FHIP1B: variants seen among roughly 807,000 people sequenced by gnomAD.
The protein encoded by FHIP1B is FHF complex subunit HOOK-interacting protein 1B.
In FHIP1B, 28 loss-of-function variants were observed where a neutral mutation model predicts 82.2. The observed-to-expected ratio is 0.34, with a 90% confidence interval of 0.25 to 0.47. FHIP1B has a LOEUF of 0.47. Among genes scored for constraint, FHIP1B ranks in the 20% least tolerant of loss-of-function variants. The probability of loss-of-function intolerance (pLI) is 1.00; values close to 1 mark genes in which losing one functional copy is unlikely to be tolerated. For synonymous variants in FHIP1B, 585 were observed against 516.1 expected, an observed-to-expected ratio of 1.13 and a Z score of -1.81; for missense variants, 1,110 against 1,262.6, an observed-to-expected ratio of 0.88 and a Z score of 1.83.
chr11:6,230,421 G>A (rs1847668243), intron 1 of FHIP1B, among the ~76,000 whole-genome samples: 1 of 152,158 alleles, frequency 6.6e-6, no homozygotes, highest in South Asian at 2.1e-4. Flanking sequence ...TGAATGACCT[G>A]ATTAAAATCT....
rs1847164297 is a variant in FHIP1B, at chr11:6,214,398, G to A, written c.2557+13C>T. ...AGGGAGGGCAGGTACGGGTGTGGTG[G>A]GATAGGCCTCACCTAGGGGATCAGA... On this transcript the variant is annotated intron_variant, in intron 11 of 11. Coordinates refer to ENST00000449352, the MANE Select transcript of FHIP1B (RefSeq NM_001098794.2). The A allele has an allele frequency of 4.4e-6, 7 of 1,598,956 alleles. No homozygotes were observed. Among genetic ancestry groups the A allele is most frequent in the Middle Eastern group, 2.0e-4 (1 of 4,952 alleles).
At chr11:6,224,317 A>C in intron 2 of FHIP1B, 62 bp downstream of exon 2, 1 of 1,614,204 alleles carries the variant, frequency 6.2e-7, no homozygotes, top group Non-Finnish European at 8.5e-7. Flanking sequence ...TGAGGAGAAT[A>C]TAGAAGGCTG....
At chr11:6,222,974 G>A (rs1480205297) in intron 4 of FHIP1B, 77 bp from the exon 5 acceptor site, 1 of 1,573,626 alleles carries the variant, frequency 6.4e-7, no homozygotes, top group Non-Finnish European at 8.7e-7. Context: ...GTACACTACA[G>A]AGAGGCATCC....
At chr11:6,215,408 A>G (rs1847197587) in intron 9 of FHIP1B, 1 of 152,444 alleles carries the variant, frequency 6.6e-6, no homozygotes, top group Admixed American at 6.5e-5. Flanking sequence ...GAGGCACAAC[A>G]GAAGAACAAA....
At position 6,223,761 on chromosome 11, in the gene FHIP1B, C is replaced by T. The variant is rs1701477363; in HGVS notation, c.626G>A (p.Arg209His). The change falls in exon 3 of 12, where the codon CGT becomes CAT. Residue 209 changes from arginine to histidine, a missense_variant. This residue lies in a region of FHIP1B where 467 missense variants were observed against 602.9 expected (regional missense o/e 0.77). Transcript: ENST00000449352. This position sits in a 1 kb window ranked among gnomAD's most constrained non-coding sequence, Gnocchi z 4.8. ...QPPPEPGAAPRLLLFSRLVPF... is the reference protein window; with the variant it reads ...QPPPEPGAAPHLLLFSRLVPF... ...GACAAGGCGAGAAAAGAGAAGAAGA[C>T]GGGGAGCGGCTCCAGGCTCAGGAGG... The T allele has an allele frequency of 3.7e-6, 6 of 1,614,206 alleles. No homozygotes were observed. Among genetic ancestry groups the T allele is most frequent in the Admixed American group, 1.7e-5 (1 of 60,036 alleles).
chr11:6,222,312 A>T (rs1590623840), intron 6 of FHIP1B, 130 bp downstream of exon 6: 1 of 994,744 alleles, frequency 1.0e-6, no homozygotes, highest in Non-Finnish European at 1.5e-6. Flanking sequence ...CTGGAAAGTT[A>T]ATGCCACTTA....
chr11:6,224,961 G>A (rs1487426194), intron 1 of FHIP1B, among the ~76,000 whole-genome samples: 1 of 152,114 alleles, frequency 6.6e-6, no homozygotes, highest in African/African-American at 2.4e-5. Flanking sequence ...CATTATCCTT[G>A]TTTTTTCTTT....
In FHIP1B at chr11:6,224,026, C is replaced by T. The variant is rs200289464; in HGVS notation, c.361G>A (p.Asp121Asn). The change falls in exon 3 of 12, where the codon GAT becomes AAT. Residue 121 changes from aspartate (D) to asparagine (N), a missense_variant. Physicochemically the swap from Asp to Asn is conservative, Grantham distance 23. This residue lies in a region of FHIP1B where 467 missense variants were observed against 602.9 expected (regional missense o/e 0.77). Transcript: ENST00000449352. ...TWQLQWDELG[D>N]GVEERRAEQL... ...TCAGCCCGCCGTTCCTCGACCCCATCCCCAAGCTCATCCCATTGCAGCTGC... is the reference window on the plus strand; with the variant it reads ...TCAGCCCGCCGTTCCTCGACCCCATTCCCAAGCTCATCCCATTGCAGCTGC... The T allele has an allele frequency of 2.0e-4, 320 of 1,613,710 alleles. No homozygotes were observed. Among genetic ancestry groups the T allele is most frequent in the Admixed American group, 4.5e-4 (27 of 59,978 alleles).
At chr11:6,215,331 A>C (rs2133788639) in intron 9 of FHIP1B, 1 of 155,938 alleles carries the variant, frequency 6.4e-6, no homozygotes, top group Non-Finnish European at 1.4e-5. Flanking sequence ...AGATCTGGCA[A>C]ATTTTAAGTG....
At position 6,217,504 on chromosome 11, in the gene FHIP1B, G is replaced by T. The variant is rs771207253; in HGVS notation, c.2082C>A (p.Ser694=). The change falls in exon 9 of 12, where the codon TCC becomes TCA. Residue 694 remains serine (S), a synonymous_variant. Coordinates refer to ENST00000449352, the MANE Select transcript of FHIP1B (RefSeq NM_001098794.2). ...ALSNGGTGSE[S]PLEPPLPLEE... is the part of the protein sequence containing the mutation. Reference sequence around the variant, plus strand: ...CAAGGGGCAGTGGAGGTTCTAAGGGGGACTCTGAGCCAGTTCCCCCATTGC... The same window carrying T: ...CAAGGGGCAGTGGAGGTTCTAAGGGTGACTCTGAGCCAGTTCCCCCATTGC... 2 of 1,612,320 alleles carry T rather than the reference G, an allele frequency of 1.2e-6. No individual in the cohort carries two copies. Among genetic ancestry groups the T allele is most frequent in the African/African-American group, 2.7e-5 (2 of 74,834 alleles).
chr11:6,213,657 C>T (rs1847137499), intron 11 of FHIP1B, among the ~76,000 whole-genome samples: 1 of 152,220 alleles, frequency 6.6e-6, no homozygotes, highest in Non-Finnish European at 1.5e-5. Context: ...TTTAAAACTT[C>T]ATAACGATAT....
At position 6,218,047 on chromosome 11, in the gene FHIP1B, G is replaced by A; in HGVS notation, c.1539C>T (p.Gly513=). 6.2e-7 allele frequency: 1 copy of A among 1,613,538 alleles called. No homozygotes were observed. The highest frequency in any genetic ancestry group is 8.5e-7 in the Non-Finnish European group (1 of 1,179,788). ...ALFLRQQSLG[G]SESPGPAPCS... Reference sequence around the variant, plus strand: ...AAGGGGCTGGGCCTGGAGACTCAGAGCCACCCAGGCTCTGCTGCCGCAGGA... The same window carrying A: ...AAGGGGCTGGGCCTGGAGACTCAGAACCACCCAGGCTCTGCTGCCGCAGGA... Residue 513 remains glycine, a synonymous_variant, in exon 9 of 12, where the codon GGC becomes GGT. Transcript: ENST00000449352.
chr11:6,221,644 T>C (rs1371637638), intron 6 of FHIP1B, among the ~76,000 whole-genome samples: 1 of 152,132 alleles, frequency 6.6e-6, no homozygotes, highest in East Asian at 1.9e-4. Context: ...CCATTTGATG[T>C]CCTTTGCATG....
chr11:6,219,685 G>C (rs146303442), intron 6 of FHIP1B, among the ~76,000 whole-genome samples: 324 of 152,264 alleles, frequency 2.1e-3, no homozygotes, highest in Middle Eastern at 0.01. Context: ...GAAGAAGGTT[G>C]GTTCATCTCT....
At chr11:6,227,714 A>G (rs993112922) in intron 1 of FHIP1B, among the ~76,000 whole-genome samples, 23 of 152,068 alleles carry the variant, frequency 1.5e-4, no homozygotes, top group Non-Finnish European at 3.1e-4. Flanking sequence ...GGAATTATCC[A>G]AGGAGAACAG....
chr11:6,215,219 T>C, intron 9 of FHIP1B: 1 of 254,438 alleles, frequency 3.9e-6, no homozygotes. Flanking sequence ...AGGTCAAAAT[T>C]GTCCAAGCCT....
chr11:6,229,653 T>G (rs1847647444), intron 1 of FHIP1B, among the ~76,000 whole-genome samples: 1 of 152,182 alleles, frequency 6.6e-6, no homozygotes, highest in South Asian at 2.1e-4. Context: ...GTGCCCATTA[T>G]TGCTCCACCA....
At position 6,223,472 on chromosome 11, in the gene FHIP1B, G is replaced by A. The variant is rs1308461557; in HGVS notation, c.777+138C>T. 11 of 1,188,934 alleles carry A rather than the reference G, an allele frequency of 9.3e-6. No individual in the cohort carries two copies. In the East Asian group the frequency reaches 2.6e-4, roughly 28 times the overall value. The allele number at this position is 1,188,934 out of a possible 1,614,324, so 73.6% of individuals were successfully genotyped here. ...ATGATTCATCCCCACTACAACTCCA[G>A]GGGGCTGCTTTCAAATCCAGGAACT... On this transcript the variant is annotated intron_variant, in intron 3 of 11. Transcript: ENST00000449352. This position sits in a 1 kb window ranked among gnomAD's most constrained non-coding sequence, Gnocchi z 4.8.
Position 6,222,812 on chromosome 11 carries a change from T to C in FHIP1B, c.1022A>G (p.Lys341Arg). The change falls in exon 5 of 12, where the codon AAG (lysine) becomes AGG (arginine). Residue 341 changes from lysine to arginine, a missense_variant and splice_region_variant. By Grantham distance (26) the Lys-to-Arg change is conservative (BLOSUM62 2). Coordinates refer to ENST00000449352, the MANE Select transcript of FHIP1B (RefSeq NM_001098794.2). Reference sequence around the variant, plus strand: ...TGCCTTGCCACCCATGACTCTCACCTTGTGCAAGGCAGGACCCATGACAGG... The same window carrying C: ...TGCCTTGCCACCCATGACTCTCACCCTGTGCAAGGCAGGACCCATGACAGG... ...LVPVMGPALHKTSVEEMIAST... is the reference protein window; with the variant it reads ...LVPVMGPALHRTSVEEMIAST... The C allele has an allele frequency of 1.9e-6, 3 of 1,614,054 alleles. No individual in the cohort carries two copies. Among genetic ancestry groups the C allele is most frequent in the Non-Finnish European group, 2.5e-6 (3 of 1,179,938 alleles).
Sources: allele counts gnomAD v4.1 joint callset (sites outside exome capture counted in the v4.1 genomes callset), GRCh38; gene constraint gnomAD v4.1.1; regional missense constraint gnomAD v4.1.1; non-coding constraint Gnocchi (gnomAD v3.1); transcripts MANE v1.5; gene names NCBI Gene and HGNC (gene_info 2026-07-23, HGNC 2026-07-21).